The following LYPLAL1 variants were observed in gnomAD, a reference collection of about 807,000 sequenced individuals.
LYPLAL1 encodes lysophospholipase like 1.
A neutral mutation model predicts 19.7 loss-of-function variants in LYPLAL1; 23 were observed. The observed-to-expected ratio is 1.17, with a 90% CI of 0.84 to 1.65. The LOEUF is 1.65. Ranked by LOEUF, LYPLAL1 falls within the 40% of genes most tolerant of loss-of-function variation. The pLI, the probability that LYPLAL1 is intolerant of heterozygous loss-of-function variation, is 0.00. For missense variants in LYPLAL1, 355 were observed against 279.4 expected, an observed-to-expected ratio of 1.27 and a Z score of -1.93; for synonymous variants, 119 against 96.3, an observed-to-expected ratio of 1.24 and a Z score of -1.38.
At chr1:219,415,192 T>C in the LYPLAL1 span, among the ~76,000 whole-genome samples, 1 of 152,160 alleles carries the variant, frequency 6.6e-6, no homozygotes, top group Non-Finnish European at 1.5e-5. Context: ...GGAAGACTTG[T>C]ACCAGCAAAA....
the LYPLAL1 span, among the ~76,000 whole-genome samples, chr1:219,367,306 C>T: frequency 2.4e-4 from 36 of 152,224 alleles, no homozygotes; most frequent in African/African-American, 8.4e-4. Context: ...GTGATGTTGA[C>T]GTTGTTCTCA....
chr1:219,405,287 A>C, the LYPLAL1 span, among the ~76,000 whole-genome samples: 1 of 152,350 alleles, frequency 6.6e-6, no homozygotes, highest in Non-Finnish European at 1.5e-5. Flanking sequence ...AACACCACCA[A>C]ATAAATTCCC....
the LYPLAL1 span, among the ~76,000 whole-genome samples, chr1:219,333,237 A>G: frequency 2.0e-5 from 3 of 152,088 alleles, no homozygotes; most frequent in East Asian, 3.9e-4. Context: ...TCACTTTGCC[A>G]TATAACACAA....
chr1:219,344,504 T>A, the LYPLAL1 span, among the ~76,000 whole-genome samples: 1 of 152,192 alleles, frequency 6.6e-6, no homozygotes. Context: ...TCAGAATTCT[T>A]CATCTTATGG....
At chr1:219,185,520 A>G (rs1458678118) in intron 2 of LYPLAL1, among the ~76,000 whole-genome samples, 2 of 151,890 alleles carry the variant, frequency 1.3e-5, no homozygotes, top group African/African-American at 4.8e-5. Context: ...TCAAATCTAA[A>G]TGGTCCCATT....
At chr1:219,406,682 A>C in the LYPLAL1 span, among the ~76,000 whole-genome samples, 1 of 152,246 alleles carries the variant, frequency 6.6e-6, no homozygotes, top group African/African-American at 2.4e-5. Flanking sequence ...TGCTGAACCC[A>C]GATTTTGTAA....
chr1:219,276,487 T>C, the LYPLAL1 span, among the ~76,000 whole-genome samples: 17 of 152,208 alleles, frequency 1.1e-4, no homozygotes. Context: ...AGACATAGAA[T>C]TGAGTCAGCC....
intron 3 of LYPLAL1, among the ~76,000 whole-genome samples, chr1:219,204,213 A>C (rs1658357509): frequency 6.6e-6 from 1 of 152,222 alleles, no homozygotes; most frequent in East Asian, 1.9e-4. Context: ...GATAAAACTT[A>C]GGGAAAACAG....
chr1:219,287,281 A>G, the LYPLAL1 span, among the ~76,000 whole-genome samples: 1 of 152,210 alleles, frequency 6.6e-6, no homozygotes, highest in Non-Finnish European at 1.5e-5. Flanking sequence ...TTTAACAGAG[A>G]GATAACCTGT....
At chr1:219,350,309 T>G in the LYPLAL1 span, among the ~76,000 whole-genome samples, 1 of 152,282 alleles carries the variant, frequency 6.6e-6, no homozygotes, top group African/African-American at 2.4e-5. Context: ...ATGTCAAAAC[T>G]TAACCCACAC....
the LYPLAL1 span, among the ~76,000 whole-genome samples, chr1:219,428,616 C>T: frequency 0.018 from 2,734 of 152,292 alleles, 82 homozygotes; most frequent in African/African-American, 0.063. Flanking sequence ...CAAATAACTA[C>T]AATATGTGGC....
At chr1:219,420,265 AATTACAGT>A in the LYPLAL1 span, among the ~76,000 whole-genome samples, 1 of 152,218 alleles carries the variant, frequency 6.6e-6, no homozygotes, top group Non-Finnish European at 1.5e-5. Flanking sequence ...GAAAATTCAG[AATTACAGT>A]ATTCAAGATT....
At chr1:219,326,554 G>A in the LYPLAL1 span, among the ~76,000 whole-genome samples, 2 of 152,016 alleles carry the variant, frequency 1.3e-5, no homozygotes, top group African/African-American at 4.8e-5. Flanking sequence ...TTCTTGACTC[G>A]GGGTAGTGGC....
the LYPLAL1 span, among the ~76,000 whole-genome samples, chr1:219,282,267 G>A: frequency 6.6e-6 from 1 of 151,896 alleles, no homozygotes; most frequent in Admixed American, 6.6e-5. Flanking sequence ...TTGTAAGATA[G>A]GGCCAAGCAA....
chr1:219,278,673 T>C, the LYPLAL1 span, among the ~76,000 whole-genome samples: 7 of 74,308 alleles, frequency 9.4e-5, no homozygotes, highest in Admixed American at 1.2e-3. Flanking sequence ...CACATAAAAA[T>C]CACTAAACAA....
At chr1:219,220,758 G>C in the LYPLAL1 span, among the ~76,000 whole-genome samples, 6 of 152,062 alleles carry the variant, frequency 3.9e-5, no homozygotes, top group Non-Finnish European at 8.8e-5. Context: ...CATCAAATCT[G>C]ACTACTAGCC....
the LYPLAL1 span, among the ~76,000 whole-genome samples, chr1:219,276,300 TC>T: frequency 2.0e-5 from 3 of 152,062 alleles, no homozygotes; most frequent in Admixed American, 6.6e-5. Context: ...TAGCTTCACA[TC>T]TGGTAAATTA....
At chr1:219,229,789 A>C in the LYPLAL1 span, among the ~76,000 whole-genome samples, 6 of 152,168 alleles carry the variant, frequency 3.9e-5, no homozygotes, top group Admixed American at 3.9e-4. Flanking sequence ...CCCTCATCGC[A>C]TGCCCTGCGA....
the LYPLAL1 span, among the ~76,000 whole-genome samples, chr1:219,267,714 A>T: frequency 6.6e-6 from 1 of 152,202 alleles, no homozygotes; most frequent in Non-Finnish European, 1.5e-5. Context: ...AATAAGCTTC[A>T]ATAAGTAATT....
Sources: allele counts gnomAD v4.1 joint callset (sites outside exome capture counted in the v4.1 genomes callset), GRCh38; gene constraint gnomAD v4.1.1; transcripts MANE v1.5; gene names NCBI Gene and HGNC (gene_info 2026-07-23, HGNC 2026-07-21).